PCDHA9: variants seen among roughly 807,000 people sequenced by gnomAD.
PCDHA9 encodes the protein protocadherin alpha 9, also known as protocadherin alpha-9.
PCDHA9 carries 62 observed loss-of-function variants against 62.0 expected under a neutral mutation model. That is an observed-to-expected ratio of 1.00 (90% CI 0.81 to 1.23). The LOEUF (loss-of-function observed/expected upper bound fraction) is 1.23. Ranked by LOEUF, PCDHA9 falls within the 50% of genes most tolerant of loss-of-function variation. The pLI, the probability that PCDHA9 is intolerant of heterozygous loss-of-function variation, is 0.00. For missense variants in PCDHA9, 1,205 were observed against 1,249.8 expected (o/e 0.96, Z 0.54); for synonymous variants, 557 against 567.6 (o/e 0.98, Z 0.27).
intron 1 of PCDHA9, among the ~76,000 whole-genome samples, chr5:140,894,790 T>C (rs943284227): frequency 6.6e-6 from 1 of 152,164 alleles, no homozygotes. Flanking sequence ...ATTTGTCCTC[T>C]CCTTTAAAAA....
At chr5:140,976,832 A>G (rs246001) in intron 1 of PCDHA9, among the ~76,000 whole-genome samples, 14,161 of 152,268 alleles carry the variant, frequency 0.093, 806 homozygotes, top group Middle Eastern at 0.22. Context: ...AATGAGCAAA[A>G]CAGATATAAT....
chr5:140,877,206 C>T (rs782807049), intron 1 of PCDHA9: 3 of 1,613,650 alleles, frequency 1.9e-6, no homozygotes, highest in African/African-American at 2.7e-5. Flanking sequence ...GCGCAGTTAG[C>T]GAGTTGGTAC....
At position 140,850,209 on chromosome 5, in the gene PCDHA9, G is replaced by C. The variant is rs17844333; in HGVS notation, c.1714G>C (p.Gly572Arg). ...GGCGCTGCTGACACCTCGGATGAGG[G>C]GCACTGACGGCGCAGTGAGCGAGAT... ...APALLTPRMR[G>R]TDGAVSEMVL... The change falls in exon 1 of 4, where the codon GGC becomes CGC. Residue 572 changes from glycine to arginine, a missense_variant. Coordinates refer to ENST00000532602, the MANE Select transcript of PCDHA9 (RefSeq NM_031857.2). 7.0e-3 allele frequency: 11,231 copies of C among 1,593,568 alleles called. 1,600 individuals carry two copies. The Admixed American group carries it at 0.15, about 21-fold the overall frequency.
At chr5:140,956,740 C>T in intron 1 of PCDHA9, among the ~76,000 whole-genome samples, 1 of 152,122 alleles carries the variant, frequency 6.6e-6, no homozygotes, top group East Asian at 1.9e-4. Context: ...CCTCTTTGTA[C>T]CTCTGATAGA....
At chr5:140,900,013 T>A (rs1351991303) in intron 1 of PCDHA9, among the ~76,000 whole-genome samples, 1 of 152,062 alleles carries the variant, frequency 6.6e-6, no homozygotes, top group Admixed American at 6.6e-5. Flanking sequence ...TCTCACTTTG[T>A]TACCCAGTTT....
intron 1 of PCDHA9, chr5:140,862,723 C>T: frequency 1.8e-6 from 1 of 568,234 alleles, no homozygotes; most frequent in East Asian, 4.8e-5. Flanking sequence ...CGAGTGCGCG[C>T]TGTCTAGCTA....
At chr5:140,882,404 G>A in intron 1 of PCDHA9, 1 of 1,614,152 alleles carries the variant, frequency 6.2e-7, no homozygotes. Context: ...CACCTTCGTG[G>A]GCCGCATCGC....
At chr5:140,877,910 T>A in intron 1 of PCDHA9, 2 of 1,431,310 alleles carry the variant, frequency 1.4e-6, no homozygotes, top group African/African-American at 2.9e-5. Flanking sequence ...AACTACATTC[T>A]CTCATTTTTC....
rs1319882145 is a variant in PCDHA9, at chr5:140,858,933, A to G, written c.2394+8044A>G. ...GCTTATACTGCCATAGTAGATTTCA[A>G]TGTTCAGTGATTACAGCTTTTTCTC... is the stretch of plus-strand genomic sequence containing the variant. On this transcript the variant is annotated intron_variant, in intron 1 of 3. Transcript: ENST00000532602. The G allele has an allele frequency of 6.2e-5, 10 of 160,710 alleles. 1 individual carries two copies. The highest frequency in any genetic ancestry group is 2.4e-4 in the African/African-American group (10 of 41,146). The allele number at this position is 160,710 out of a possible 1,614,324, so 10.0% of individuals were successfully genotyped here. A position where few individuals can be genotyped will look rare whatever the true frequency, so the allele number is the denominator to read the frequency against.
chr5:141,004,351 G>T (rs547017222), intron 3 of PCDHA9, among the ~76,000 whole-genome samples: 1 of 152,332 alleles, frequency 6.6e-6, no homozygotes, highest in African/African-American at 2.4e-5. Flanking sequence ...TGAGGGACTG[G>T]AGAGACCACA....
chr5:140,896,750 A>G (rs781993760), intron 1 of PCDHA9, among the ~76,000 whole-genome samples: 3 of 152,114 alleles, frequency 2.0e-5, no homozygotes, highest in Non-Finnish European at 4.4e-5. Flanking sequence ...GATTCTGGAT[A>G]TTAGACCTTT....
chr5:140,993,519 GAGAC>G (rs1554253814), intron 3 of PCDHA9, among the ~76,000 whole-genome samples: 1 of 151,288 alleles, frequency 6.6e-6, no homozygotes, highest in Non-Finnish European at 1.5e-5. Context: ...CGGGGAGAGA[GAGAC>G]AGAGAGAGAG....
intron 3 of PCDHA9, among the ~76,000 whole-genome samples, chr5:140,983,358 T>C (rs1374842008): frequency 6.6e-6 from 1 of 152,224 alleles, no homozygotes; most frequent in Non-Finnish European, 1.5e-5. Context: ...GTAATAGAAA[T>C]ATGGCTTTGG....
chr5:140,867,911 T>C (rs2050196676), intron 1 of PCDHA9: 1 of 152,134 alleles, frequency 6.6e-6, no homozygotes. Context: ...GAAGGTATAA[T>C]TAAAAATCAC....
intron 1 of PCDHA9, among the ~76,000 whole-genome samples, chr5:140,878,982 T>C (rs1484097371): frequency 2.0e-5 from 3 of 152,206 alleles, no homozygotes; most frequent in African/African-American, 4.8e-5. Flanking sequence ...CCCTCTATCT[T>C]AGAAATGAGA....
At chr5:140,935,245 T>A (rs1409133658) in intron 1 of PCDHA9, among the ~76,000 whole-genome samples, 1 of 152,200 alleles carries the variant, frequency 6.6e-6, no homozygotes, top group Non-Finnish European at 1.5e-5. Flanking sequence ...TTTTAAAAGA[T>A]AAAATACATC....
intron 1 of PCDHA9, chr5:140,869,391 C>T: frequency 6.2e-7 from 1 of 1,614,138 alleles, no homozygotes; most frequent in Non-Finnish European, 8.5e-7. Flanking sequence ...AGGAGCTGTG[C>T]GGGCAGAGCG....
chr5:140,863,231 C>G (rs189351986), intron 1 of PCDHA9: 1 of 1,227,526 alleles, frequency 8.1e-7, no homozygotes, highest in Non-Finnish European at 1.2e-6. Flanking sequence ...AAGGTCCCAT[C>G]GCGGGCTTTG....
chr5:140,882,352 T>A, intron 1 of PCDHA9: 1 of 1,614,166 alleles, frequency 6.2e-7, no homozygotes, highest in Non-Finnish European at 8.5e-7. Context: ...AGACGGGTAG[T>A]GGCCAGCTCC....
Sources: gnomAD v4.1 joint callset for allele counts (sites outside exome capture counted in the v4.1 genomes callset) on GRCh38, gnomAD v4.1.1 for gene constraint, MANE v1.5 for transcripts, NCBI Gene and HGNC (gene_info 2026-07-23, HGNC 2026-07-21) for gene names.